The following DNAH6 variants were observed in gnomAD, a reference collection of about 807,000 sequenced individuals.
DNAH6 encodes dynein axonemal heavy chain 6.
Under a neutral mutation model 491.4 loss-of-function variants are expected in DNAH6, and 340 were observed. The ratio of observed to expected loss-of-function variants is 0.69; its 90% CI spans 0.63 to 0.76. The LOEUF is 0.76. Among genes scored for constraint, DNAH6 ranks in the 30% least tolerant of loss-of-function variants. The pLI is 0.00. For synonymous variants in DNAH6, 1,603 were observed against 1,686.1 expected, an observed-to-expected ratio of 0.95 and a Z score of 1.21; for missense variants, 4,443 against 4,972.2, an observed-to-expected ratio of 0.89 and a Z score of 3.20.
intron 35 of DNAH6, 31 bp from the exon 36 acceptor site, chr2:84,658,261 C>A: frequency 7.1e-7 from 1 of 1,415,954 alleles, no homozygotes. Context: ...TTTATCAGGT[C>A]TTGCTAAACT....
At chr2:84,630,621 G>A (rs910774480) in intron 29 of DNAH6, among the ~76,000 whole-genome samples, 1 of 152,180 alleles carries the variant, frequency 6.6e-6, no homozygotes, top group African/African-American at 2.4e-5. Context: ...AGAGATTTAA[G>A]AGACACAGTA....
intron 68 of DNAH6, 89 bp downstream of exon 68, chr2:84,787,391 TC>T: frequency 1.0e-6 from 1 of 994,764 alleles, no homozygotes; most frequent in Non-Finnish European, 1.5e-6. Flanking sequence ...GATGGTGTCC[TC>T]CCCCAGTGTT....
At chr2:84,554,786 C>CA (rs1679856208) in intron 10 of DNAH6, among the ~76,000 whole-genome samples, 1 of 152,230 alleles carries the variant, frequency 6.6e-6, no homozygotes, top group South Asian at 2.1e-4. Flanking sequence ...CCCTCCTGGC[C>CA]ACAAGACTCA....
chr2:84,685,765 C>T (rs749672148), intron 43 of DNAH6, among the ~76,000 whole-genome samples: 6 of 151,734 alleles, frequency 4.0e-5, no homozygotes, highest in Non-Finnish European at 8.8e-5. Context: ...GCCTGGGCAA[C>T]AAGGCAAGAC....
At chr2:84,543,928 T>A (rs1186178116) in intron 4 of DNAH6, among the ~76,000 whole-genome samples, 1 of 152,158 alleles carries the variant, frequency 6.6e-6, no homozygotes, top group Non-Finnish European at 1.5e-5. Context: ...CTCCAGATAG[T>A]TTTAATGTAG....
chr2:84,786,566 G>T (rs1253072257), intron 67 of DNAH6, among the ~76,000 whole-genome samples: 1 of 152,074 alleles, frequency 6.6e-6, no homozygotes, highest in Admixed American at 6.6e-5. Flanking sequence ...AGATGAGGAG[G>T]TAGTTTAAGC....
intron 59 of DNAH6, among the ~76,000 whole-genome samples, chr2:84,720,029 T>C (rs1361631557): frequency 6.6e-6 from 1 of 152,040 alleles, no homozygotes; most frequent in Non-Finnish European, 1.5e-5. Context: ...ATTTGGGGTC[T>C]GAGAGGAGAA....
At chr2:84,655,487 C>G (rs547003995) in intron 35 of DNAH6, among the ~76,000 whole-genome samples, 2 of 152,084 alleles carry the variant, frequency 1.3e-5, no homozygotes, top group African/African-American at 2.4e-5. Flanking sequence ...CCATCTTCAT[C>G]TCTGCCTCTC....
At chr2:84,611,597 G>C (rs1686340336) in intron 21 of DNAH6, 77 bp from the exon 22 acceptor site, 16 of 1,240,670 alleles carry the variant, frequency 1.3e-5, no homozygotes, top group Non-Finnish European at 1.7e-5. Flanking sequence ...GTGATTCCCT[G>C]TGTCATGATT....
intron 60 of DNAH6, among the ~76,000 whole-genome samples, chr2:84,726,793 T>TA: frequency 6.6e-6 from 1 of 150,420 alleles, no homozygotes; most frequent in South Asian, 2.1e-4. Flanking sequence ...AAAAATAAAA[T>TA]AAAAAATAAA....
At chr2:84,682,641 G>A (rs1047900077) in intron 42 of DNAH6, among the ~76,000 whole-genome samples, 13 of 152,178 alleles carry the variant, frequency 8.5e-5, no homozygotes, top group African/African-American at 2.9e-4. Context: ...TGCATACCCC[G>A]GCCCCAGAGG....
At chr2:84,793,507 C>T (rs964326382) in intron 68 of DNAH6, among the ~76,000 whole-genome samples, 1 of 152,144 alleles carries the variant, frequency 6.6e-6, no homozygotes, top group Non-Finnish European at 1.5e-5. Context: ...CTTCCCCTGA[C>T]ATCATCATGC....
At chr2:84,707,901 C>T (rs943741800) in intron 54 of DNAH6, among the ~76,000 whole-genome samples, 185 bp downstream of exon 54, 22 of 152,160 alleles carry the variant, frequency 1.4e-4, no homozygotes, top group Non-Finnish European at 2.8e-4. Context: ...CCTAGGCTTT[C>T]CTTAACACGT....
intron 31 of DNAH6, among the ~76,000 whole-genome samples, chr2:84,639,016 C>T (rs1320485434): frequency 6.6e-6 from 1 of 152,172 alleles, no homozygotes; most frequent in Non-Finnish European, 1.5e-5. Flanking sequence ...GACCCAGACA[C>T]CTCCCATCAG....
chr2:84,479,368 A>C, the DNAH6 span, among the ~76,000 whole-genome samples: 1 of 152,216 alleles, frequency 6.6e-6, no homozygotes, highest in Non-Finnish European at 1.5e-5. Context: ...ACTGTCCAGC[A>C]CTGGATCCAG....
intron 76 of DNAH6, 60 bp from the exon 77 acceptor site, chr2:84,819,245 C>G: frequency 8.0e-7 from 1 of 1,248,266 alleles, no homozygotes. Flanking sequence ...TAGCCTCTCT[C>G]TTTGTATGAG....
intron 10 of DNAH6, among the ~76,000 whole-genome samples, chr2:84,554,033 G>C (rs551825268): frequency 1.3e-5 from 2 of 152,254 alleles, no homozygotes; most frequent in Admixed American, 1.3e-4. Flanking sequence ...TCCTTGAGGG[G>C]TGTCAGCCAA....
At chr2:84,700,345 C>T (rs1409184410) in intron 48 of DNAH6, among the ~76,000 whole-genome samples, 1 of 152,080 alleles carries the variant, frequency 6.6e-6, no homozygotes, top group Admixed American at 6.5e-5. Context: ...AATATATGAG[C>T]ACAGATGCAG....
chr2:84,559,783 T>C (rs1680458100), intron 11 of DNAH6, among the ~76,000 whole-genome samples: 1 of 151,964 alleles, frequency 6.6e-6, no homozygotes, highest in Non-Finnish European at 1.5e-5. Flanking sequence ...CAAAGAAGCA[T>C]TCAAATATAC....
Sources: gnomAD v4.1 joint callset for allele counts (sites outside exome capture counted in the v4.1 genomes callset) on GRCh38, gnomAD v4.1.1 for gene constraint, MANE v1.5 for transcripts, NCBI Gene and HGNC (gene_info 2026-07-23, HGNC 2026-07-21) for gene names.